PRKG1: variants seen among roughly 807,000 people sequenced by gnomAD.
PRKG1 encodes cGMP-dependent protein kinase 1.
Under a neutral mutation model 88.1 loss-of-function variants are expected in PRKG1, and 35 were observed. The observed-to-expected ratio is 0.40, with a 90% CI of 0.30 to 0.53. The LOEUF (loss-of-function observed/expected upper bound fraction) is 0.53. Among genes scored for constraint, PRKG1 ranks in the 20% least tolerant of loss-of-function variants. The probability of loss-of-function intolerance (pLI) is 0.59; values close to 1 mark genes in which losing one functional copy is unlikely to be tolerated. For missense variants in PRKG1, 540 were observed against 839.8 expected, an observed-to-expected ratio of 0.64 and a Z score of 4.41; for synonymous variants, 303 against 292.5, an observed-to-expected ratio of 1.04 and a Z score of -0.37.
At chr10:51,045,436 C>T (rs765974434) in intron 1 of PRKG1, among the ~76,000 whole-genome samples, 1 of 152,080 alleles carries the variant, frequency 6.6e-6, no homozygotes, top group Non-Finnish European at 1.5e-5. Flanking sequence ...ATTCTCCTGC[C>T]TCAGCCTCCC....
At chr10:51,637,163 T>TG (rs200865687) in intron 3 of PRKG1, among the ~76,000 whole-genome samples, 1 of 151,438 alleles carries the variant, frequency 6.6e-6, no homozygotes, top group African/African-American at 2.4e-5. Flanking sequence ...AAGAAACATA[T>TG]GGAAAAAAAA....
chr10:52,285,914 C>T (rs11001453), intron 14 of PRKG1, among the ~76,000 whole-genome samples: 19,975 of 151,798 alleles, frequency 0.13, 2,355 homozygotes, highest in African/African-American at 0.32. Context: ...AGAAAAAATA[C>T]ATAGATATGA....
At chr10:52,009,155 T>C (rs1425072929) in intron 5 of PRKG1, among the ~76,000 whole-genome samples, 11 of 152,146 alleles carry the variant, frequency 7.2e-5, no homozygotes, top group Non-Finnish European at 1.5e-4. Context: ...CAATATAGTA[T>C]TGGAAGTCCT....
chr10:51,680,183 TC>T lies in PRKG1; in HGVS notation c.593-124400del, dbSNP rs748815151. 1.2e-3 allele frequency among the ~76,000 whole-genome samples: 177 copies of T among 151,984 alleles called. 2 individuals are homozygous for T. The Middle Eastern group carries it at 0.038, about 32-fold the overall frequency. Reference sequence around the variant, plus strand: ...AATTAGCCACGAGCCAAATCCTTCATCCGGATAAAAGGTAGCTGATAAGAAC... The same window carrying T: ...AATTAGCCACGAGCCAAATCCTTCATCGGATAAAAGGTAGCTGATAAGAAC... On this transcript the variant is annotated intron_variant, in intron 3 of 17. Coordinates refer to ENST00000373980, the MANE Select transcript of PRKG1 (RefSeq NM_006258.4).
intron 3 of PRKG1, among the ~76,000 whole-genome samples, chr10:51,646,075 A>T (rs1302691706): frequency 3.3e-5 from 5 of 152,158 alleles, no homozygotes; most frequent in Admixed American, 6.5e-5. Context: ...TTGTAAAATC[A>T]TAGAGTATAG....
intron 2 of PRKG1, among the ~76,000 whole-genome samples, chr10:51,312,818 T>C (rs1343430423): frequency 6.6e-6 from 1 of 152,148 alleles, no homozygotes; most frequent in East Asian, 1.9e-4. Flanking sequence ...ACAATTTTAT[T>C]CTCACTGTAA....
intron 9 of PRKG1, among the ~76,000 whole-genome samples, chr10:52,211,472 C>T (rs1839969671): frequency 6.6e-6 from 1 of 152,060 alleles, no homozygotes; most frequent in South Asian, 2.1e-4. Context: ...GCGAGTTCAA[C>T]CGTCACTTGG....
intron 5 of PRKG1, among the ~76,000 whole-genome samples, chr10:51,962,331 C>T (rs1218898204): frequency 1.3e-5 from 2 of 152,154 alleles, no homozygotes; most frequent in East Asian, 1.9e-4. Context: ...ATCCTGCTTC[C>T]CCCTATTATA....
At chr10:51,096,312 A>G (rs1844526886) in intron 1 of PRKG1, among the ~76,000 whole-genome samples, 1 of 152,148 alleles carries the variant, frequency 6.6e-6, no homozygotes, top group Non-Finnish European at 1.5e-5. Flanking sequence ...CTTATGTTGC[A>G]TTTGTCCATG....
chr10:51,876,317 G>A (rs888623591), intron 4 of PRKG1, among the ~76,000 whole-genome samples: 2 of 152,202 alleles, frequency 1.3e-5, no homozygotes, highest in African/African-American at 4.8e-5. Context: ...GGGGGAAGTA[G>A]AGGAAATATT....
intron 3 of PRKG1, among the ~76,000 whole-genome samples, chr10:51,619,439 C>G (rs1311878987): frequency 3.3e-5 from 5 of 152,056 alleles, no homozygotes; most frequent in African/African-American, 9.7e-5. Context: ...GGAAGATTCT[C>G]TGAAAGACAT....
chr10:50,998,751 C>A (rs1842859366), intron 1 of PRKG1, among the ~76,000 whole-genome samples: 1 of 103,726 alleles, frequency 9.6e-6, no homozygotes, highest in Admixed American at 1.1e-4. Flanking sequence ...GACTCCATCT[C>A]AAAAAACAAA....
intron 11 of PRKG1, 95 bp downstream of exon 11, chr10:52,271,584 CG>C: frequency 1.5e-6 from 2 of 1,302,754 alleles, no homozygotes; most frequent in Non-Finnish European, 2.1e-6. Flanking sequence ...TAACACATTT[CG>C]TATGCACAAA....
intron 3 of PRKG1, among the ~76,000 whole-genome samples, chr10:51,527,670 C>A (rs979224096): frequency 6.6e-6 from 1 of 152,154 alleles, no homozygotes; most frequent in African/African-American, 2.4e-5. Flanking sequence ...AATTTTCTAG[C>A]GCTTTAAAGT....
At chr10:52,255,623 G>T (rs1359880717) in intron 10 of PRKG1, among the ~76,000 whole-genome samples, 1 of 151,902 alleles carries the variant, frequency 6.6e-6, no homozygotes, top group African/African-American at 2.4e-5. Context: ...AAATAGAATA[G>T]TTCTTAGCTC....
intron 3 of PRKG1, among the ~76,000 whole-genome samples, chr10:51,732,901 A>G (rs1051872693): frequency 3.9e-5 from 6 of 151,994 alleles, no homozygotes; most frequent in Admixed American, 6.6e-5. Flanking sequence ...ACATACATTT[A>G]TTTCTCCTAG....
At chr10:51,690,520 G>A (rs971327837) in intron 3 of PRKG1, among the ~76,000 whole-genome samples, 2 of 152,146 alleles carry the variant, frequency 1.3e-5, no homozygotes, top group African/African-American at 4.8e-5. Context: ...ATCTACATAA[G>A]TAGATTCCTA....
chr10:51,676,089 G>C (rs1246238925), intron 3 of PRKG1, among the ~76,000 whole-genome samples: 3 of 151,516 alleles, frequency 2.0e-5, no homozygotes, highest in Non-Finnish European at 2.9e-5. Context: ...GGGCAAAATA[G>C]TGAGACTTAT....
At chr10:51,970,437 T>C (rs1311117825) in intron 5 of PRKG1, among the ~76,000 whole-genome samples, 1 of 151,468 alleles carries the variant, frequency 6.6e-6, no homozygotes, top group Non-Finnish European at 1.5e-5. Flanking sequence ...AGAGCCCCTA[T>C]TTTTATAAAA....
Sources: gnomAD v4.1 joint callset for allele counts (sites outside exome capture counted in the v4.1 genomes callset) on GRCh38, gnomAD v4.1.1 for gene constraint, MANE v1.5 for transcripts, NCBI Gene and HGNC (gene_info 2026-07-23, HGNC 2026-07-21) for gene names.